The following GFM2 variants were observed in gnomAD, a reference collection of about 807,000 sequenced individuals.
The protein encoded by GFM2 is ribosome-releasing factor 2, mitochondrial.
GFM2 carries 72 observed loss-of-function variants against 95.4 expected under a neutral mutation model. The ratio of observed to expected loss-of-function variants is 0.76; its 90% CI spans 0.62 to 0.92. The LOEUF (loss-of-function observed/expected upper bound fraction) is 0.92, where lower values mean the gene tolerates loss of function less well. Ranked by LOEUF, GFM2 falls within the 40% of genes least tolerant of loss-of-function variation. GFM2 has a pLI of 0.00. For synonymous variants in GFM2, 276 were observed against 317.5 expected, an observed-to-expected ratio of 0.87 and a Z score of 1.39; for missense variants, 825 against 924.1, an observed-to-expected ratio of 0.89 and a Z score of 1.39.
chr5:74,746,038 G>GCA, intron 9 of GFM2, 67 bp downstream of exon 9: 1 of 1,191,794 alleles, frequency 8.4e-7, no homozygotes, highest in Non-Finnish European at 1.2e-6. Context: ...CTTTGGAAAT[G>GCA]TATATATTGT....
intron 8 of GFM2, among the ~76,000 whole-genome samples, chr5:74,746,703 A>T (rs985474455): frequency 2.0e-5 from 3 of 152,182 alleles, no homozygotes; most frequent in Non-Finnish European, 4.4e-5. Context: ...ATTTACATGC[A>T]GGTCATTCCG....
chr5:74,745,315 AGCCTAGGCC>A (rs1176083196), intron 10 of GFM2, among the ~76,000 whole-genome samples: 3 of 152,232 alleles, frequency 2.0e-5, no homozygotes, highest in Non-Finnish European at 4.4e-5. Flanking sequence ...ACTGCACTCC[AGCCTAGGCC>A]GCAGAGCAAG....
intron 5 of GFM2, among the ~76,000 whole-genome samples, chr5:74,758,454 G>A (rs1744108585): frequency 6.6e-6 from 1 of 152,114 alleles, no homozygotes. Flanking sequence ...CTAAGCTAGG[G>A]TGGCTCCTAT....
chr5:74,765,831 T>C (rs1744556598), intron 1 of GFM2, among the ~76,000 whole-genome samples: 1 of 151,724 alleles, frequency 6.6e-6, no homozygotes, highest in South Asian at 2.1e-4. Flanking sequence ...ACCCCATCTC[T>C]ACTAAAAATA....
chr5:74,764,158 T>G (rs140600063), intron 1 of GFM2, among the ~76,000 whole-genome samples: 3 of 152,342 alleles, frequency 2.0e-5, no homozygotes, highest in African/African-American at 7.2e-5. Flanking sequence ...GCAGTAAAAT[T>G]TATTGATTCA....
In GFM2 at chr5:74,747,771, G is replaced by A; in HGVS notation, c.529C>T (p.Leu177Phe). 1 of 1,603,454 alleles carries A rather than the reference G, an allele frequency of 6.2e-7. No individual in the cohort carries two copies. Among genetic ancestry groups the A allele is most frequent in the Non-Finnish European group, 8.5e-7 (1 of 1,171,404 alleles). ...TTATCAGCTTGCCTCCATACTGTGA[G>A]AGTCTGGGCCTAAAGCAAAGATGAG... ...DASAGVEAQTLTVWRQADKHN... is the reference protein window; with the variant it reads ...DASAGVEAQTFTVWRQADKHN... The change falls in exon 8 of 21, where the codon CTC (leucine) becomes TTC (phenylalanine). Residue 177 changes from leucine (L) to phenylalanine (F), a missense_variant. Transcript: ENST00000296805.
At chr5:74,725,801 T>C (rs773011043) in intron 18 of GFM2, 46 bp from the exon 19 acceptor site, 1 of 1,492,884 alleles carries the variant, frequency 6.7e-7, no homozygotes, top group South Asian at 1.1e-5. Context: ...AGATGTGAAG[T>C]GAGAAGTAAC....
chr5:74,742,604 T>C (rs752713393), intron 10 of GFM2, among the ~76,000 whole-genome samples: 3 of 152,186 alleles, frequency 2.0e-5, no homozygotes, highest in Non-Finnish European at 2.9e-5. Context: ...ACTAATCTTA[T>C]CCACTAATTT....
At chr5:74,737,082 T>C in intron 14 of GFM2, 97 bp from the exon 15 acceptor site, 5 of 1,070,076 alleles carry the variant, frequency 4.7e-6, no homozygotes, top group Non-Finnish European at 6.7e-6. Flanking sequence ...TTTGTGGCCC[T>C]TTCTTTTCAT....
rs945111069 is a variant in GFM2, at chr5:74,741,602, T to A, written c.857A>T (p.Asp286Val). Residue 286 changes from aspartate to valine, a missense_variant, in exon 11 of 21, where the codon GAT becomes GTT. Transcript: ENST00000296805. Reference protein sequence around the residue: ...ARNALIEQVADLDDEFADLVL... With the variant: ...ARNALIEQVAVLDDEFADLVL... ...CAAGTCAGCAAATTCATCATCCAAA[T>A]CTGCAACCTATAAAGAAAGGTTTTA... 1.3e-6 allele frequency: 2 copies of A among 1,567,138 alleles called. No individual in the cohort carries two copies. Among genetic ancestry groups the A allele is most frequent in the African/African-American group, 2.7e-5 (2 of 73,582 alleles).
At chr5:74,748,063 G>A (rs1326712692) in intron 7 of GFM2, among the ~76,000 whole-genome samples, 1 of 152,224 alleles carries the variant, frequency 6.6e-6, no homozygotes, top group African/African-American at 2.4e-5. Flanking sequence ...AGGAGGTACT[G>A]AGAATCATGG....
At chr5:74,759,463 T>C (rs776357804) in intron 3 of GFM2, 37 bp from the exon 4 acceptor site, 3 of 1,110,598 alleles carry the variant, frequency 2.7e-6, no homozygotes, top group Non-Finnish European at 4.0e-6. Flanking sequence ...CTGTTACATT[T>C]ATGAAATTTT....
intron 1 of GFM2, chr5:74,765,288 A>C: frequency 4.8e-6 from 1 of 208,646 alleles, no homozygotes; most frequent in Non-Finnish European, 9.4e-6. Context: ...CTGCCTACCC[A>C]CTGCTTTCTA....
chr5:74,725,953 C>T lies in GFM2; in HGVS notation c.1900G>A (p.Ala634Thr), dbSNP rs764105920. Reference sequence around the variant, plus strand: ...TTGAGTGTCTTACCTTGGAGACATGCGCTGTGAATTCCATTTTCAATGGCC... The same window carrying T: ...TTGAGTGTCTTACCTTGGAGACATGTGCTGTGAATTCCATTTTCAATGGCC... The part of the protein sequence containing the change: ...QEAIENGIHS[A>T]CLQGPLLGSP... The change falls in exon 18 of 21, where the codon GCA becomes ACA. Residue 634 changes from alanine to threonine, a missense_variant. Coordinates refer to ENST00000296805, the MANE Select transcript of GFM2 (RefSeq NM_032380.5). The T allele has an allele frequency of 7.5e-6, 12 of 1,609,520 alleles. No individual in the cohort carries two copies. The South Asian group carries it at 7.8e-5, about 10-fold the overall frequency.
At chr5:74,750,843 A>C (rs1743663921) in intron 6 of GFM2, among the ~76,000 whole-genome samples, 176 bp from the exon 7 acceptor site, 1 of 152,210 alleles carries the variant, frequency 6.6e-6, no homozygotes, top group South Asian at 2.1e-4. Flanking sequence ...CAGCACTGGT[A>C]GACAAAAGGT....
rs200151202 is a variant in GFM2, at chr5:74,722,426, G to A, written c.2164C>T (p.Gln722Ter). The change falls in exon 20 of 21, where the codon CAG becomes TAG. Residue 722 changes from glutamine to a stop codon, truncating the protein, a stop_gained. Transcript: ENST00000296805. LOFTEE classifies it high-confidence loss of function. ...AATCCAATAACAACTTTGTTGTCCT[G>A]GCGAGTCTGAATTTCCTGAATGTTT... ...RGNIQEIQTR[Q>*]DNKVVIGFVP... The A allele has an allele frequency of 6.2e-6, 10 of 1,613,788 alleles. No individual in the cohort carries two copies. Among genetic ancestry groups the A allele is most frequent in the African/African-American group, 1.3e-5 (1 of 74,902 alleles).
intron 5 of GFM2, among the ~76,000 whole-genome samples, chr5:74,755,134 A>G (rs1007508070): frequency 6.6e-6 from 1 of 152,162 alleles, no homozygotes; most frequent in African/African-American, 2.4e-5. Context: ...TCCTAGAACA[A>G]AAAGACTTAA....
chr5:74,738,677 T>C (rs1474063734), intron 12 of GFM2, 35 bp from the exon 13 acceptor site: 3 of 1,578,140 alleles, frequency 1.9e-6, no homozygotes, highest in Non-Finnish European at 1.7e-6. Flanking sequence ...GCCTATAAAA[T>C]ACACTTCCCA....
At chr5:74,756,665 G>C (rs956384881) in intron 5 of GFM2, among the ~76,000 whole-genome samples, 1 of 147,572 alleles carries the variant, frequency 6.8e-6, no homozygotes, top group South Asian at 2.2e-4. Flanking sequence ...AAGTGTGTGT[G>C]TATATATATA....
Sources: allele counts gnomAD v4.1 joint callset (sites outside exome capture counted in the v4.1 genomes callset), GRCh38; gene constraint gnomAD v4.1.1; transcripts MANE v1.5; gene names NCBI Gene and HGNC (gene_info 2026-07-23, HGNC 2026-07-21).